The following SPANXN2 variants were observed in gnomAD, a reference collection of about 807,000 sequenced individuals.
SPANXN2 encodes SPANX family member N2.
Under a neutral mutation model 2.0 loss-of-function variants are expected in SPANXN2, and 1 was observed. The observed-to-expected ratio is 0.50, with a 90% CI of 0.18 to 2.36. The LOEUF is 2.36. SPANXN2 is among the 30% of genes most tolerant of loss of function. The pLI, the probability that SPANXN2 is intolerant of heterozygous loss-of-function variation, is 0.26. For missense variants in SPANXN2, 88 were observed against 116.7 expected (o/e 0.75, Z 1.13); for synonymous variants, 43 against 49.8 (o/e 0.86, Z 0.58).
chrX:143,712,764 G>A (rs1256591860), intron 1 of SPANXN2, among the ~76,000 whole-genome samples: 1 of 111,345 alleles, frequency 9.0e-6, no homozygotes, highest in Non-Finnish European at 1.9e-5. Context: ...ACTCCATGGG[G>A]GCTCAGGCCG....
intron 1 of SPANXN2, among the ~76,000 whole-genome samples, chrX:143,715,647 C>A (rs1445538210): frequency 9.5e-6 from 1 of 105,229 alleles, no homozygotes; most frequent in East Asian, 3.4e-4. Flanking sequence ...CTCAATATCC[C>A]CTTAATCCAG....
At chrX:143,718,698 C>A (rs1461836047) in intron 1 of SPANXN2, among the ~76,000 whole-genome samples, 1 of 111,699 alleles carries the variant, frequency 9.0e-6, no homozygotes, top group Non-Finnish European at 1.9e-5. Flanking sequence ...AGTTTCCAAT[C>A]TTTTGTCTCC....
At chrX:143,717,477 AT>A (rs199825495) in intron 1 of SPANXN2, among the ~76,000 whole-genome samples, 1 of 110,595 alleles carries the variant, frequency 9.0e-6, no homozygotes, top group Non-Finnish European at 1.9e-5. Flanking sequence ...GTTATTGCTC[AT>A]TTTTTTTCCC....
Position 143,720,535 on chromosome X carries a change from T to C in SPANXN2, c.78+56A>G, listed in dbSNP as rs368769755. ...CCTGTGTTGCTGTTTGAGCCGTCCC[T>C]TCTCTGTGTGTCTTTCTTTCACCCT... is the stretch of plus-strand genomic sequence containing the variant. On this transcript the variant is annotated intron_variant, in intron 1 of 1. Transcript: ENST00000598475. 8.3e-3 allele frequency: 9,592 copies of C among 1,158,860 alleles called. 335 individuals carry two copies. The African/African-American group carries it at 0.11, about 13-fold the overall frequency.
intron 1 of SPANXN2, among the ~76,000 whole-genome samples, chrX:143,713,893 CTCT>C: frequency 6.4e-4 from 1 of 1,570 alleles, no homozygotes; most frequent in African/African-American, 1.4e-3. Context: ...TCATGCCTCA[CTCT>C]CTCTCTCTCT....
chrX:143,717,099 G>A (rs1556449932), intron 1 of SPANXN2, among the ~76,000 whole-genome samples: 1 of 112,177 alleles, frequency 8.9e-6, no homozygotes, highest in East Asian at 2.8e-4. Flanking sequence ...CATCAGTGCT[G>A]AAGATAAACT....
In SPANXN2 at chrX:143,720,657, C is replaced by G. The variant is rs77216923; in HGVS notation, c.12G>C (p.Pro4=). The change falls in exon 1 of 2, where the codon CCG becomes CCC. Residue 4 remains proline, a synonymous_variant. Transcript: ENST00000598475. ...TCTTCTCCCCATTGGTGCTTGAAGT[C>G]GGCTGTTCCATGATTCTGCTTGGTT... is the stretch of plus-strand genomic sequence containing the variant. 8.2e-3 allele frequency: 9,889 copies of G among 1,208,417 alleles called. 487 individuals are homozygous for G. In the African/African-American group the frequency reaches 0.15, roughly 18 times the overall value.
chrX:143,716,665 A>T (rs1932271767), intron 1 of SPANXN2, among the ~76,000 whole-genome samples: 1 of 111,865 alleles, frequency 8.9e-6, no homozygotes, highest in African/African-American at 3.3e-5. Flanking sequence ...CTCTCAAAAC[A>T]ACTGGACTCT....
intron 1 of SPANXN2, among the ~76,000 whole-genome samples, chrX:143,717,481 T>G (rs1449721612): frequency 1.3e-4 from 14 of 111,333 alleles, no homozygotes; most frequent in Non-Finnish European, 2.1e-4. Context: ...TTGCTCATTT[T>G]TTTTCCCAGC....
intron 1 of SPANXN2, among the ~76,000 whole-genome samples, chrX:143,716,171 G>A (rs1932260074): frequency 9.0e-6 from 1 of 110,519 alleles, no homozygotes; most frequent in Non-Finnish European, 1.9e-5. Context: ...TTCTTAACCT[G>A]TCCATTCAAC....
At chrX:143,712,450 T>G (rs1556448555) in exon 2 of SPANXN2, 1 of 1,212,181 alleles carries the variant, frequency 8.2e-7, no homozygotes, top group Non-Finnish European at 1.1e-6. Context: ...TGTTTTTGTC[T>G]TTTGCAAGCT....
chrX:143,712,509 A>G lies in SPANXN2; in HGVS notation c.79-10T>C, dbSNP rs782090724. 1 of 1,200,619 alleles carries G rather than the reference A, an allele frequency of 8.3e-7. No individual in the cohort carries two copies. The highest frequency in any genetic ancestry group is 1.8e-5 in the South Asian group (1 of 54,864). On this transcript the variant is annotated splice_polypyrimidine_tract_variant and intron_variant, in intron 1 of 1. Transcript: ENST00000598475. Reference sequence around the variant, plus strand: ...TCGGTGCCTCCTGCATCTGATAAGAAAACAGGGAGAGGCCAGAAAGTCATT... The same window carrying G: ...TCGGTGCCTCCTGCATCTGATAAGAGAACAGGGAGAGGCCAGAAAGTCATT...
chrX:143,717,858 C>T (rs1181991165), intron 1 of SPANXN2, among the ~76,000 whole-genome samples: 1 of 111,667 alleles, frequency 9.0e-6, no homozygotes, highest in Non-Finnish European at 1.9e-5. Context: ...GAAAGTGATT[C>T]CTATACATTC....
chrX:143,715,324 C>A (rs781927080), intron 1 of SPANXN2, among the ~76,000 whole-genome samples: 11 of 106,925 alleles, frequency 1.0e-4, no homozygotes, highest in Non-Finnish European at 1.7e-4. Flanking sequence ...CAGACTGGTC[C>A]TTTATTATAC....
At chrX:143,714,130 TC>T (rs781923459) in intron 1 of SPANXN2, among the ~76,000 whole-genome samples, 1 of 109,416 alleles carries the variant, frequency 9.1e-6, no homozygotes, top group Non-Finnish European at 1.9e-5. Flanking sequence ...CCATCCCCCT[TC>T]CTTCTCCACC....
At chrX:143,713,328 CA>C (rs1569482315) in intron 1 of SPANXN2, among the ~76,000 whole-genome samples, 1 of 111,589 alleles carries the variant, frequency 9.0e-6, no homozygotes, top group Non-Finnish European at 1.9e-5. Flanking sequence ...AGTGATCAAA[CA>C]AGCCACCTTA....
intron 1 of SPANXN2, among the ~76,000 whole-genome samples, chrX:143,717,727 T>C (rs1390494883): frequency 8.9e-6 from 1 of 111,968 alleles, no homozygotes; most frequent in Non-Finnish European, 1.9e-5. Context: ...CTAAGGCATG[T>C]TCCCTTTGCA....
chrX:143,720,505 G>A (rs112546832), intron 1 of SPANXN2, 86 bp downstream of exon 1: 56,760 of 1,012,187 alleles, frequency 0.056, 2,166 homozygotes, highest in East Asian at 0.23. Context: ...GGTGTCTGCA[G>A]TATTCCTGTG....
chrX:143,717,323 A>C (rs1362963069), intron 1 of SPANXN2, among the ~76,000 whole-genome samples: 1 of 111,980 alleles, frequency 8.9e-6, no homozygotes, highest in Non-Finnish European at 1.9e-5. Flanking sequence ...GCAAACTTAC[A>C]CATAAGCTGT....
Sources: allele counts gnomAD v4.1 joint callset (sites outside exome capture counted in the v4.1 genomes callset), GRCh38; gene constraint gnomAD v4.1.1; transcripts MANE v1.5; gene names NCBI Gene and HGNC (gene_info 2026-07-23, HGNC 2026-07-21).